GRM8: variants seen among roughly 807,000 people sequenced by gnomAD.
GRM8 encodes metabotropic glutamate receptor 8.
Under a neutral mutation model 87.2 loss-of-function variants are expected in GRM8, and 47 were observed. The ratio of observed to expected loss-of-function variants is 0.54; its 90% CI spans 0.43 to 0.69. The LOEUF is 0.69. Among genes scored for constraint, GRM8 ranks in the 30% least tolerant of loss-of-function variants. The pLI is 0.00. For missense variants in GRM8, 1,019 were observed against 1,139.2 expected (o/e 0.89, Z 1.52); for synonymous variants, 396 against 404.5 (o/e 0.98, Z 0.25).
intron 6 of GRM8, among the ~76,000 whole-genome samples, chr7:126,821,561 C>T (rs1264873626): frequency 1.3e-5 from 2 of 152,210 alleles, no homozygotes; most frequent in Admixed American, 1.3e-4. Context: ...ATCATTTTCA[C>T]TTTTTGAAAT....
At chr7:126,690,241 C>T (rs151092814) in intron 7 of GRM8, among the ~76,000 whole-genome samples, 98 of 152,354 alleles carry the variant, frequency 6.4e-4, no homozygotes, top group African/African-American at 1.0e-3. Flanking sequence ...GCTCAGCTCG[C>T]GCTACTGGCC....
rs1431674654 is a variant in GRM8, at chr7:126,786,892, TTTACTC to T, written c.1157-16833_1157-16828del. ...AAGCGTTTCTGAACTGTATGACTGT[TTTACTC>T]TTAGTTAAGTTCACAGAGTTATTTT... On this transcript the variant is annotated intron_variant, in intron 6 of 10. Coordinates refer to ENST00000339582, the MANE Select transcript of GRM8 (RefSeq NM_000845.3). Among the ~76,000 whole-genome samples the T allele has an allele frequency of 7.9e-5, 12 of 152,348 alleles. No homozygotes were observed. In the South Asian group the frequency reaches 1.4e-3, roughly 18 times the overall value.
At chr7:126,795,063 C>T (rs146186318) in intron 6 of GRM8, among the ~76,000 whole-genome samples, 1,708 of 152,212 alleles carry the variant, frequency 0.011, 15 homozygotes, top group Middle Eastern at 0.017. Context: ...TCTTGTTTAT[C>T]TGAAATTTAA....
In GRM8 at chr7:126,709,469, G is replaced by A. The variant is rs570441373; in HGVS notation, c.1357+60396C>T. ...AGAAGAGGAAGAAGAGGACGAAAAA[G>A]AGGAAGAGGAAGAAGAAGAAGGAGG... On this transcript the variant is annotated intron_variant, in intron 7 of 10. Transcript: ENST00000339582. Among the ~76,000 whole-genome samples the A allele has an allele frequency of 3.6e-4, 54 of 151,454 alleles. No individual in the cohort carries two copies. In the East Asian group the frequency reaches 8.9e-3, roughly 25 times the overall value.
chr7:126,488,065 A>C (rs1462335410), intron 9 of GRM8, among the ~76,000 whole-genome samples: 1 of 152,018 alleles, frequency 6.6e-6, no homozygotes, highest in African/African-American at 2.4e-5. Flanking sequence ...ATCATACTTT[A>C]AGGATTAGAA....
At chr7:126,575,019 G>C (rs749086475) in intron 8 of GRM8, among the ~76,000 whole-genome samples, 11 of 152,048 alleles carry the variant, frequency 7.2e-5, no homozygotes, top group Non-Finnish European at 2.9e-5. Context: ...TTTTCCCTCA[G>C]TTAACTTTGA....
At chr7:127,091,095 G>A (rs1307621892) in intron 3 of GRM8, 1 of 152,170 alleles carries the variant, frequency 6.6e-6, no homozygotes, top group Non-Finnish European at 1.5e-5. Flanking sequence ...GTTCACAGTG[G>A]TTCACCTCTT....
At chr7:127,172,541 C>T (rs1338548556) in intron 2 of GRM8, among the ~76,000 whole-genome samples, 2 of 151,656 alleles carry the variant, frequency 1.3e-5, no homozygotes, top group Non-Finnish European at 2.9e-5. Context: ...CCCATCTGTA[C>T]TAAAAATACA....
chr7:126,520,183 A>C (rs1209765389), intron 9 of GRM8, among the ~76,000 whole-genome samples: 1 of 152,122 alleles, frequency 6.6e-6, no homozygotes, highest in Non-Finnish European at 1.5e-5. Context: ...ACAGGGGAAA[A>C]AAGAAGAGAA....
intron 2 of GRM8, among the ~76,000 whole-genome samples, chr7:127,138,225 G>A (rs1227067262): frequency 1.3e-5 from 2 of 152,046 alleles, no homozygotes; most frequent in African/African-American, 2.4e-5. Flanking sequence ...TCATGTAATC[G>A]AATCCTCCTC....
At chr7:127,109,451 C>A (rs1438704938) in intron 2 of GRM8, among the ~76,000 whole-genome samples, 1 of 152,206 alleles carries the variant, frequency 6.6e-6, no homozygotes, top group Non-Finnish European at 1.5e-5. Flanking sequence ...CCTCCCCTGA[C>A]CTGTACCTTC....
chr7:127,098,595 A>G, intron 3 of GRM8, among the ~76,000 whole-genome samples: 1 of 152,166 alleles, frequency 6.6e-6, no homozygotes, highest in East Asian at 1.9e-4. Context: ...AAAACTATCA[A>G]ACTTTTTGGC....
chr7:126,778,237 T>TC (rs1326126800), intron 6 of GRM8, among the ~76,000 whole-genome samples: 2 of 152,166 alleles, frequency 1.3e-5, no homozygotes, highest in Admixed American at 1.3e-4. Context: ...AACTGAAGGC[T>TC]CTTAGCTGCC....
chr7:126,797,555 A>T (rs1454345360), intron 6 of GRM8, among the ~76,000 whole-genome samples: 1 of 152,122 alleles, frequency 6.6e-6, no homozygotes, highest in Non-Finnish European at 1.5e-5. Context: ...AGCAGTGTGC[A>T]AATTTATCAA....
At chr7:126,885,073 C>T (rs1487302718) in intron 6 of GRM8, among the ~76,000 whole-genome samples, 1 of 152,198 alleles carries the variant, frequency 6.6e-6, no homozygotes, top group East Asian at 1.9e-4. Flanking sequence ...AAAGCAGACT[C>T]AGCTTTCAGC....
chr7:126,673,521 C>T (rs1400334726), intron 7 of GRM8, among the ~76,000 whole-genome samples: 1 of 152,144 alleles, frequency 6.6e-6, no homozygotes, highest in Non-Finnish European at 1.5e-5. Flanking sequence ...CATGCAAAGA[C>T]AGGATCAACA....
chr7:127,033,352 T>C (rs540915183), intron 3 of GRM8, among the ~76,000 whole-genome samples: 1 of 152,168 alleles, frequency 6.6e-6, no homozygotes, highest in African/African-American at 2.4e-5. Context: ...TTCTTGAGAC[T>C]TACTCCAAAT....
intron 7 of GRM8, among the ~76,000 whole-genome samples, chr7:126,642,582 G>GT (rs1173328348): frequency 1.3e-5 from 2 of 152,082 alleles, no homozygotes; most frequent in African/African-American, 4.8e-5. Flanking sequence ...AGATCTTGCA[G>GT]TGAGCCGAGA....
chr7:126,476,321 G>A (rs965402306), intron 9 of GRM8, among the ~76,000 whole-genome samples: 2 of 152,110 alleles, frequency 1.3e-5, no homozygotes, highest in African/African-American at 4.8e-5. Context: ...AGAGGCTGAG[G>A]TAGGCGGGTT....
Sources: gnomAD v4.1 joint callset for allele counts (sites outside exome capture counted in the v4.1 genomes callset) on GRCh38, gnomAD v4.1.1 for gene constraint, MANE v1.5 for transcripts, NCBI Gene and HGNC (gene_info 2026-07-23, HGNC 2026-07-21) for gene names.